Variants in LACTBL1 observed in about 807,000 individuals in gnomAD.
LACTBL1 encodes the protein beta-lactamase-like protein 1.
Under a neutral mutation model 39.6 loss-of-function variants are expected in LACTBL1, and 29 were observed. That is an observed-to-expected ratio of 0.73 (90% CI 0.55 to 1.00). The LOEUF is 1.00. LACTBL1 is among the 50% of genes least tolerant of loss of function. LACTBL1 has a pLI of 0.00. For missense variants in LACTBL1, 711 were observed against 748.5 expected (o/e 0.95, Z 0.59); for synonymous variants, 361 against 360.7 (o/e 1.00, Z -0.01).
At chr1:22,953,620 C>T in exon 6 of LACTBL1, 1 of 1,265,920 alleles carries the variant, frequency 7.9e-7, no homozygotes, top group Non-Finnish European at 9.9e-7. Flanking sequence ...GCGGTAGCCC[C>T]GCTGCGCGTG....
At chr1:22,957,831 T>A (rs187032081) in intron 4 of LACTBL1, among the ~76,000 whole-genome samples, 49 of 152,096 alleles carry the variant, frequency 3.2e-4, no homozygotes, top group Non-Finnish European at 6.2e-4. Flanking sequence ...TTTGTATTTT[T>A]AGTAGAGACA....
chr1:22,966,865 T>C (rs1228025364), upstream of LACTBL1, among the ~76,000 whole-genome samples: 2 of 151,934 alleles, frequency 1.3e-5, no homozygotes, highest in Non-Finnish European at 2.9e-5. Flanking sequence ...GGCCCCTCTA[T>C]CTCCTTCAAT....
At chr1:22,953,825 A>G in exon 6 of LACTBL1, 1 of 1,547,748 alleles carries the variant, frequency 6.5e-7, no homozygotes. Context: ...CCCAGGTCAT[A>G]GAGTGGCGCC....
chr1:22,968,877 G>A (rs578233378), upstream of LACTBL1, among the ~76,000 whole-genome samples: 9 of 152,184 alleles, frequency 5.9e-5, no homozygotes, highest in South Asian at 4.2e-4. Context: ...TAGCTATTAC[G>A]GTATTTGGGG....
chr1:22,959,915 C>T, intron 3 of LACTBL1, 27 bp downstream of exon 5: 1 of 1,550,738 alleles, frequency 6.4e-7, no homozygotes, highest in Non-Finnish European at 8.7e-7. Context: ...TACCCCTCCA[C>T]AGGACCCTAG....
At position 22,959,802 on chromosome 1, in the gene LACTBL1, A is replaced by G. The variant is rs139927982; in HGVS notation, c.317+140T>C. 2.3e-4 allele frequency: 237 copies of G among 1,011,474 alleles called. 1 individual carries two copies. The African/African-American group carries it at 3.4e-3, about 15-fold the overall frequency. The allele number at this position is 1,011,474 out of a possible 1,614,324, so 62.7% of individuals were successfully genotyped here. A position where few individuals can be genotyped will look rare whatever the true frequency, so the allele number is the denominator to read the frequency against. On this transcript the variant is annotated intron_variant, in intron 3 of 5. Coordinates refer to ENST00000426928, the Ensembl canonical transcript of LACTBL1. The stretch of plus-strand genomic sequence containing the variant: ...TCTCTGGACTTCGGTCTCCTCTTCT[A>G]TAAAACTGTCAAGACTTCATAATAG...
At chr1:22,953,780 C>T (rs993476628) in exon 6 of LACTBL1, 24 of 1,514,640 alleles carry the variant, frequency 1.6e-5, no homozygotes, top group African/African-American at 5.7e-5. Flanking sequence ...AGGTCGGCGG[C>T]GGTAGAGTAC....
chr1:22,955,015 T>G (rs1640746802), intron 5 of LACTBL1, among the ~76,000 whole-genome samples: 1 of 152,236 alleles, frequency 6.6e-6, no homozygotes, highest in South Asian at 2.1e-4. Context: ...GGTGTCTCCC[T>G]CACAAGAGTG....
At chr1:22,967,573 CA>C (rs1640894330), upstream of LACTBL1, among the ~76,000 whole-genome samples, 1 of 151,640 alleles carries the variant, frequency 6.6e-6, no homozygotes, top group South Asian at 2.1e-4. Context: ...TATATACACA[CA>C]CACACACACA....
the LACTBL1 span, among the ~76,000 whole-genome samples, chr1:22,971,835 G>C: frequency 6.6e-6 from 1 of 152,168 alleles, no homozygotes; most frequent in African/African-American, 2.4e-5. Context: ...ACATCTTATA[G>C]GGTTTAGTTG....
chr1:22,958,999 C>A (rs1176731093), intron 3 of LACTBL1, 79 bp from the exon 6 acceptor site: 6 of 897,522 alleles, frequency 6.7e-6, no homozygotes, highest in Non-Finnish European at 1.0e-5. Flanking sequence ...CATCCTGCAA[C>A]TTTTTAGTGT....
At chr1:22,963,961 C>T (rs1640852360) in intron 1 of LACTBL1, among the ~76,000 whole-genome samples, 1 of 152,148 alleles carries the variant, frequency 6.6e-6, no homozygotes, top group African/African-American at 2.4e-5. Context: ...CACCCTGTTG[C>T]CCAGGCTGGA....
At chr1:22,957,445 C>A (rs1640772585) in intron 4 of LACTBL1, among the ~76,000 whole-genome samples, 1 of 152,076 alleles carries the variant, frequency 6.6e-6, no homozygotes, top group South Asian at 2.1e-4. Flanking sequence ...CAATTGCCCT[C>A]CATACGGCTG....
chr1:22,967,656 G>C (rs965248204), upstream of LACTBL1, among the ~76,000 whole-genome samples: 18 of 152,068 alleles, frequency 1.2e-4, no homozygotes, highest in Admixed American at 6.5e-4. Flanking sequence ...GAGAGAGAGA[G>C]AGAGAGACAG....
At chr1:22,963,417 C>T (rs1339351852) in intron 1 of LACTBL1, among the ~76,000 whole-genome samples, 2 of 152,174 alleles carry the variant, frequency 1.3e-5, no homozygotes, top group Non-Finnish European at 2.9e-5. Context: ...GGAGGCACAG[C>T]CCTGCAGGCC....
chr1:22,956,133 G>C (rs1266380460), intron 4 of LACTBL1, among the ~76,000 whole-genome samples: 1 of 151,772 alleles, frequency 6.6e-6, no homozygotes, highest in Non-Finnish European at 1.5e-5. Context: ...AGCACTCTGG[G>C]AGGCTGAGGC....
upstream of LACTBL1, among the ~76,000 whole-genome samples, chr1:22,967,567 T>TAG (rs1553119669): frequency 6.7e-6 from 1 of 148,402 alleles, no homozygotes; most frequent in Non-Finnish European, 1.5e-5. Flanking sequence ...TCCATATATA[T>TAG]ACACACACAC....
At chr1:22,968,038 T>C (rs1466338769), upstream of LACTBL1, among the ~76,000 whole-genome samples, 2 of 152,236 alleles carry the variant, frequency 1.3e-5, no homozygotes, top group Non-Finnish European at 2.9e-5. Flanking sequence ...TTTATCATAA[T>C]TATGCACGTG....
upstream of LACTBL1, among the ~76,000 whole-genome samples, chr1:22,967,648 G>C (rs6669845): frequency 5.7e-4 from 79 of 139,188 alleles, no homozygotes; most frequent in African/African-American, 1.9e-3. Context: ...TATATATAGA[G>C]AGAGAGAGAG....
Sources: gnomAD v4.1 joint callset for allele counts (sites outside exome capture counted in the v4.1 genomes callset) on GRCh38, gnomAD v4.1.1 for gene constraint, MANE v1.5 for transcripts, NCBI Gene and HGNC (gene_info 2026-07-23, HGNC 2026-07-21) for gene names.